The following AGAP1 variants were observed in gnomAD, a reference collection of about 807,000 sequenced individuals.
The protein encoded by AGAP1 is arf-GAP with GTPase, ANK repeat and PH domain-containing protein 1.
In AGAP1, 29 loss-of-function variants were observed where a neutral mutation model predicts 105.3. The observed-to-expected ratio is 0.28, with a 90% CI of 0.21 to 0.38. The LOEUF is 0.38. Ranked by LOEUF, AGAP1 falls within the 10% of genes least tolerant of loss-of-function variation. The pLI is 1.00. For synonymous variants in AGAP1, 509 were observed against 485.9 expected, an observed-to-expected ratio of 1.05 and a Z score of -0.63; for missense variants, 998 against 1,165.1, an observed-to-expected ratio of 0.86 and a Z score of 2.09.
rs1288489827 is a variant in AGAP1, at chr2:235,855,059, G to A, written c.1051-28286G>A. Among the ~76,000 whole-genome samples the A allele has an allele frequency of 1.3e-5, 2 of 152,188 alleles. No individual in the cohort carries two copies. The highest frequency in any genetic ancestry group is 2.9e-5 in the Non-Finnish European group (2 of 68,032). On this transcript the variant is annotated intron_variant, in intron 9 of 17. Coordinates refer to ENST00000304032, the MANE Select transcript of AGAP1 (RefSeq NM_001037131.3). The surrounding 1 kb of genome is among the most constrained non-coding windows in gnomAD (Gnocchi z 5.0). Reference sequence around the variant, plus strand: ...TTAATGCCAGTTATTTTAAACTAGGGTGACTAATGGACCCTTATTTCGTGA... The same window carrying A: ...TTAATGCCAGTTATTTTAAACTAGGATGACTAATGGACCCTTATTTCGTGA...
chr2:236,103,460 C>G (rs751677309), intron 16 of AGAP1, among the ~76,000 whole-genome samples: 23 of 152,174 alleles, frequency 1.5e-4, no homozygotes, highest in Non-Finnish European at 2.8e-4. Flanking sequence ...CAGGCTCCAT[C>G]TTTTTCTCCT....
At chr2:236,019,589 C>T (rs1467832274) in intron 13 of AGAP1, among the ~76,000 whole-genome samples, 3 of 152,198 alleles carry the variant, frequency 2.0e-5, no homozygotes, top group Non-Finnish European at 4.4e-5. Flanking sequence ...CCCAGGAGCT[C>T]TCAGGAAGAC....
chr2:235,916,037 T>C (rs1318484791), intron 11 of AGAP1, among the ~76,000 whole-genome samples: 2 of 152,090 alleles, frequency 1.3e-5, no homozygotes, highest in Non-Finnish European at 2.9e-5. Flanking sequence ...ATTCTGAACC[T>C]AGAAGCCTAT....
rs1344913166 is a variant in AGAP1, at chr2:235,971,117, G to A, written c.1645+2494G>A. The stretch of plus-strand genomic sequence containing the variant: ...CTCACTCTCTAATTAGGAGAGTCTG[G>A]TCTCTACGTCAGCGGCTATGACATC... On this transcript the variant is annotated intron_variant, in intron 13 of 17. Transcript: ENST00000304032. This position sits in a 1 kb window ranked among gnomAD's most constrained non-coding sequence, Gnocchi z 4.8. Among the ~76,000 whole-genome samples the A allele has an allele frequency of 1.3e-5, 2 of 152,138 alleles. No homozygotes were observed. The highest frequency in any genetic ancestry group is 2.9e-5 in the Non-Finnish European group (2 of 68,044).
Position 236,073,541 on chromosome 2 carries a change from C to T in AGAP1, c.2114+24260C>T, listed in dbSNP as rs186919628. On this transcript the variant is annotated intron_variant, in intron 16 of 17. Transcript: ENST00000304032. The surrounding 1 kb of genome is among the most constrained non-coding windows in gnomAD (Gnocchi z 5.4). ...ATTGGATTATACCATCTTGGTGTTG[C>T]GCCAGTCAGGAGTAATTGTTGTAAG... Among the ~76,000 whole-genome samples the T allele has an allele frequency of 2.2e-4, 34 of 152,174 alleles. No individual in the cohort carries two copies. Among genetic ancestry groups the T allele is most frequent in the African/African-American group, 6.0e-4 (25 of 41,522 alleles).
intron 16 of AGAP1, among the ~76,000 whole-genome samples, chr2:236,075,637 C>A (rs1265128155): frequency 6.6e-6 from 1 of 152,120 alleles, no homozygotes; most frequent in East Asian, 1.9e-4. Context: ...GGGGAAGCCC[C>A]CCAGGAGCTT....
At position 235,622,109 on chromosome 2, in the gene AGAP1, G is replaced by A. The variant is rs1356938164; in HGVS notation, c.164-87070G>A. 6.6e-6 allele frequency among the ~76,000 whole-genome samples: 1 copy of A among 152,190 alleles called. No individual in the cohort carries two copies. The highest frequency in any genetic ancestry group is 1.5e-5 in the Non-Finnish European group (1 of 68,038). Reference sequence around the variant, plus strand: ...TTGTTGTGTTTTGAATAGGTTACATGCAGACATCCAAAATAAACTTTTTTT... The same window carrying A: ...TTGTTGTGTTTTGAATAGGTTACATACAGACATCCAAAATAAACTTTTTTT... On this transcript the variant is annotated intron_variant, in intron 1 of 17. Coordinates refer to ENST00000304032, the MANE Select transcript of AGAP1 (RefSeq NM_001037131.3). This position sits in a 1 kb window ranked among gnomAD's most constrained non-coding sequence, Gnocchi z 5.0.
At chr2:236,099,536 C>T (rs960003287) in intron 16 of AGAP1, among the ~76,000 whole-genome samples, 1 of 152,052 alleles carries the variant, frequency 6.6e-6, no homozygotes, top group Non-Finnish European at 1.5e-5. Flanking sequence ...TTGCTGTCAC[C>T]ATCCTTTCAA....
rs1479230713 is a variant in AGAP1 at position 235,614,558 on chromosome 2, C to A, written c.164-94621C>A. On this transcript the variant is annotated intron_variant, in intron 1 of 17. Transcript: ENST00000304032. This position sits in a 1 kb window ranked among gnomAD's most constrained non-coding sequence, Gnocchi z 4.7. Reference sequence around the variant, plus strand: ...GTGAGCAGTGGAAAGTCATTGAATGCTGTCTGGTGTAAAATCTGTTAGCAG... The same window carrying A: ...GTGAGCAGTGGAAAGTCATTGAATGATGTCTGGTGTAAAATCTGTTAGCAG... Among the ~76,000 whole-genome samples the A allele has an allele frequency of 6.6e-6, 1 of 152,184 alleles. No homozygotes were observed. Among genetic ancestry groups the A allele is most frequent in the Non-Finnish European group, 1.5e-5 (1 of 68,036 alleles).
Position 236,083,278 on chromosome 2 carries a change from A to G in AGAP1, c.2114+33997A>G, listed in dbSNP as rs1048946785. ...AGGTTTTTCAGGTCAGTGTGTGCCT[A>G]ATAATGCAGATGTCATGTGATGAGC... is the stretch of plus-strand genomic sequence containing the variant. On this transcript the variant is annotated intron_variant, in intron 16 of 17. Transcript: ENST00000304032. This position sits in a 1 kb window ranked among gnomAD's most constrained non-coding sequence, Gnocchi z 5.3. 6.6e-6 allele frequency among the ~76,000 whole-genome samples: 1 copy of G among 152,214 alleles called. No homozygotes were observed. The highest frequency in any genetic ancestry group is 1.5e-5 in the Non-Finnish European group (1 of 68,040).
chr2:235,907,370 C>T (rs1053380599), intron 10 of AGAP1, among the ~76,000 whole-genome samples: 2 of 152,012 alleles, frequency 1.3e-5, no homozygotes, highest in Non-Finnish European at 2.9e-5. Context: ...CTTTGGGAGG[C>T]TGAGGTGGGA....
chr2:235,717,264 C>T (rs1362533555), intron 2 of AGAP1, among the ~76,000 whole-genome samples: 5 of 152,230 alleles, frequency 3.3e-5, no homozygotes, highest in Non-Finnish European at 4.4e-5. Context: ...AGGAACACAG[C>T]CCTGATGTAA....
intron 16 of AGAP1, among the ~76,000 whole-genome samples, chr2:236,075,994 G>A (rs904960230): frequency 1.3e-5 from 2 of 152,192 alleles, no homozygotes; most frequent in African/African-American, 4.8e-5. Context: ...AGGCGGAGGC[G>A]GTGCCGCCCC....
At chr2:235,698,203 T>C (rs981927067) in intron 1 of AGAP1, among the ~76,000 whole-genome samples, 2 of 152,096 alleles carry the variant, frequency 1.3e-5, no homozygotes, top group Admixed American at 6.6e-5. Flanking sequence ...GCCGCTGATA[T>C]GACAGGAGGC....
rs142302857 is a variant in AGAP1 at position 235,720,746 on chromosome 2, G to C, written c.310+3102G>C. 78 of 980,356 alleles carry C rather than the reference G, an allele frequency of 8.0e-5. 9 individuals are homozygous for C. The highest frequency in any genetic ancestry group is 1.1e-4 in the East Asian group (1 of 8,782). The allele number at this position is 980,356 out of a possible 1,614,324, so 60.7% of individuals were successfully genotyped here. A position where few individuals can be genotyped will look rare whatever the true frequency, so the allele number is the denominator to read the frequency against. ...ATCCTTTATGTCATAATCCTGACCC[G>C]TGGCTGGGATATGTAGACTGCTGGG... On this transcript the variant is annotated intron_variant, in intron 3 of 17. Coordinates refer to ENST00000304032, the MANE Select transcript of AGAP1 (RefSeq NM_001037131.3). The surrounding 1 kb of genome is among the most constrained non-coding windows in gnomAD (Gnocchi z 5.0).
Position 235,882,508 on chromosome 2 carries a change from C to T in AGAP1, c.1051-837C>T, listed in dbSNP as rs917584022. 3.8e-5 allele frequency: 55 copies of T among 1,436,374 alleles called. No homozygotes were observed. The highest frequency in any genetic ancestry group is 7.1e-5 in the East Asian group (3 of 42,284). 89.0% of individuals were successfully genotyped at this position (1,436,374 alleles called of 1,614,324 possible). A position where few individuals can be genotyped will look rare whatever the true frequency, so the allele number is the denominator to read the frequency against. Reference sequence around the variant, plus strand: ...TTGTCTGCCATTTTCTTAAAACAATCGGTACCATCCGTGGCGGGCTCTTAG... The same window carrying T: ...TTGTCTGCCATTTTCTTAAAACAATTGGTACCATCCGTGGCGGGCTCTTAG... On this transcript the variant is annotated intron_variant, in intron 9 of 17. Transcript: ENST00000304032. This position sits in a 1 kb window ranked among gnomAD's most constrained non-coding sequence, Gnocchi z 4.6.
At position 235,517,031 on chromosome 2, in the gene AGAP1, G is replaced by A. The variant is rs910615930; in HGVS notation, c.163+22182G>A. Among the ~76,000 whole-genome samples the A allele has an allele frequency of 2.6e-5, 4 of 152,166 alleles. No individual in the cohort carries two copies. The highest frequency in any genetic ancestry group is 7.2e-5 in the African/African-American group (3 of 41,448). On this transcript the variant is annotated intron_variant, in intron 1 of 17. Coordinates refer to ENST00000304032, the MANE Select transcript of AGAP1 (RefSeq NM_001037131.3). The surrounding 1 kb of genome is among the most constrained non-coding windows in gnomAD (Gnocchi z 4.1). ...GCTTGGCGCCTACGTTAGTCAGCTC[G>A]GGCTGCCACGACAAAATACCACAGA...
In AGAP1 at chr2:235,574,403, A is replaced by G. The variant is rs1412492347; in HGVS notation, c.163+79554A>G. 6.6e-6 allele frequency among the ~76,000 whole-genome samples: 1 copy of G among 152,248 alleles called. No individual in the cohort carries two copies. The highest frequency in any genetic ancestry group is 1.5e-5 in the Non-Finnish European group (1 of 68,042). Reference sequence around the variant, plus strand: ...CTTCTTTGCTAAATGCATAAACTGTATAACGAAATGTAATTAGTGAAGGTG... The same window carrying G: ...CTTCTTTGCTAAATGCATAAACTGTGTAACGAAATGTAATTAGTGAAGGTG... On this transcript the variant is annotated intron_variant, in intron 1 of 17. Transcript: ENST00000304032. The surrounding 1 kb of genome is among the most constrained non-coding windows in gnomAD (Gnocchi z 5.0).
chr2:235,843,782 A>G lies in AGAP1; in HGVS notation c.1050+36451A>G, dbSNP rs1025092882. 6.6e-6 allele frequency among the ~76,000 whole-genome samples: 1 copy of G among 152,152 alleles called. No individual in the cohort carries two copies. The highest frequency in any genetic ancestry group is 2.1e-4 in the South Asian group (1 of 4,824). On this transcript the variant is annotated intron_variant, in intron 9 of 17. Coordinates refer to ENST00000304032, the MANE Select transcript of AGAP1 (RefSeq NM_001037131.3). The surrounding 1 kb of genome is among the most constrained non-coding windows in gnomAD (Gnocchi z 5.9). ...CTTTTCCAAGATGTCAGTGGACAGC[A>G]TAGAGCTGGGGTGCCAGTGGCCACC...
Sources: gnomAD v4.1 joint callset for allele counts (sites outside exome capture counted in the v4.1 genomes callset) on GRCh38, gnomAD v4.1.1 for gene constraint, Gnocchi (gnomAD v3.1) non-coding constraint, MANE v1.5 for transcripts, NCBI Gene and HGNC (gene_info 2026-07-23, HGNC 2026-07-21) for gene names.